DPP10: variants seen among roughly 807,000 people sequenced by gnomAD.
DPP10 encodes dipeptidyl peptidase like 10, also known as inactive dipeptidyl peptidase 10.
Under a neutral mutation model 120.9 loss-of-function variants are expected in DPP10, and 33 were observed. The ratio of observed to expected loss-of-function variants is 0.27; its 90% CI spans 0.21 to 0.37. DPP10 has a LOEUF of 0.37. DPP10 is among the 10% of genes least tolerant of loss of function. The probability of loss-of-function intolerance (pLI) is 1.00; values close to 1 mark genes in which losing one functional copy is unlikely to be tolerated. For synonymous variants in DPP10, 337 were observed against 326.1 expected (o/e 1.03, Z -0.36); for missense variants, 816 against 942.8 (o/e 0.87, Z 1.76).
chr2:114,849,107 G>A (rs1688759107), intron 1 of DPP10, among the ~76,000 whole-genome samples: 1 of 152,056 alleles, frequency 6.6e-6, no homozygotes, highest in Non-Finnish European at 1.5e-5. Context: ...ACTTCTTAGT[G>A]CCCATATTTA....
At position 115,680,288 on chromosome 2, in the gene DPP10, T is replaced by G. The variant is rs534302602; in HGVS notation, c.442-9399T>G. On this transcript the variant is annotated intron_variant, in intron 5 of 25. Coordinates refer to ENST00000410059, the MANE Select transcript of DPP10 (RefSeq NM_020868.6). Reference sequence around the variant, plus strand: ...AATAAGAATAAGATGTTTTAAGTAGTCAATATTTAGAGTGTGTATATGTAA... The same window carrying G: ...AATAAGAATAAGATGTTTTAAGTAGGCAATATTTAGAGTGTGTATATGTAA... Among the ~76,000 whole-genome samples, 78 of 152,126 alleles carry G rather than the reference T, an allele frequency of 5.1e-4. 1 individual carries two copies. The highest frequency in any genetic ancestry group is 3.4e-3 in the Middle Eastern group (1 of 290).
rs1054122731 is a variant in DPP10, at chr2:114,531,369, TTGA to T, written c.60+88545_60+88547del. Among the ~76,000 whole-genome samples, 3 of 151,950 alleles carry T rather than the reference TTGA, an allele frequency of 2.0e-5. 1 individual carries two copies. The highest frequency in any genetic ancestry group is 1.3e-4 in the Admixed American group (2 of 15,248). On this transcript the variant is annotated intron_variant, in intron 1 of 25. Transcript: ENST00000410059. Reference sequence around the variant, plus strand: ...GCTTATGTCACGTGTGAATCCTTTCTTGATGATGATGATGATAGAGAAGTATTT... The same window carrying T: ...GCTTATGTCACGTGTGAATCCTTTCTTGATGATGATGATAGAGAAGTATTT...
At chr2:115,316,936 C>T (rs2061823464) in intron 2 of DPP10, among the ~76,000 whole-genome samples, 1 of 152,130 alleles carries the variant, frequency 6.6e-6, no homozygotes, top group Admixed American at 6.5e-5. Flanking sequence ...AGTGAGACCC[C>T]ATCGCAACTA....
At chr2:114,840,567 A>G (rs1196002870) in intron 1 of DPP10, among the ~76,000 whole-genome samples, 2 of 152,208 alleles carry the variant, frequency 1.3e-5, no homozygotes, top group African/African-American at 4.8e-5. Flanking sequence ...CATTTAAAAT[A>G]GGAAAACAAT....
intron 3 of DPP10, among the ~76,000 whole-genome samples, chr2:115,441,727 GTTAT>G (rs1326671203): frequency 1.3e-5 from 2 of 151,168 alleles, no homozygotes; most frequent in South Asian, 2.1e-4. Context: ...GACAGACCTA[GTTAT>G]TTGATTCATC....
At chr2:115,056,573 T>C (rs988765355) in intron 1 of DPP10, among the ~76,000 whole-genome samples, 2 of 152,172 alleles carry the variant, frequency 1.3e-5, no homozygotes, top group Non-Finnish European at 2.9e-5. Context: ...TGTCCAGGTC[T>C]GTCTTGAACT....
At chr2:115,476,032 C>T (rs1008522792) in intron 3 of DPP10, among the ~76,000 whole-genome samples, 23 of 151,956 alleles carry the variant, frequency 1.5e-4, no homozygotes, top group African/African-American at 4.4e-4. Context: ...AGTTAAGACT[C>T]GGGGGGACTC....
intron 5 of DPP10, among the ~76,000 whole-genome samples, chr2:115,657,386 T>C (rs1267620612): frequency 6.6e-6 from 1 of 151,804 alleles, no homozygotes; most frequent in Non-Finnish European, 1.5e-5. Context: ...TATGCGACTC[T>C]GCAATCGACA....
At chr2:114,680,441 T>C (rs1698954206) in intron 1 of DPP10, among the ~76,000 whole-genome samples, 1 of 152,026 alleles carries the variant, frequency 6.6e-6, no homozygotes, top group African/African-American at 2.4e-5. Flanking sequence ...CACTCTGGTT[T>C]CACATTGTTC....
intron 1 of DPP10, among the ~76,000 whole-genome samples, chr2:115,095,574 G>GTTTTT (rs924847937): frequency 8.0e-5 from 11 of 137,714 alleles, no homozygotes; most frequent in African/African-American, 7.7e-5. Context: ...ATTCTGTTTG[G>GTTTTT]TTTTTTTTTT....
chr2:115,432,659 T>TGTGTG (rs2071104148), intron 3 of DPP10, among the ~76,000 whole-genome samples: 2 of 137,672 alleles, frequency 1.5e-5, no homozygotes, highest in African/African-American at 2.7e-5. Context: ...ATAGGCAATT[T>TGTGTG]TGTGTGTGTG....
rs1685895445 is a variant in DPP10, at chr2:114,530,666, G to C, written c.60+87828G>C. On this transcript the variant is annotated intron_variant, in intron 1 of 25. Transcript: ENST00000410059. ...AGGGTTCCTTCCAAGTTGCTCTGCT[G>C]ACCTGAGCTCATTACTTTTATATAA... Among the ~76,000 whole-genome samples, 3 of 152,090 alleles carry C rather than the reference G, an allele frequency of 2.0e-5. No homozygotes were observed. The South Asian group carries it at 6.2e-4, about 32-fold the overall frequency.
At chr2:115,028,531 C>A (rs1300701239) in intron 1 of DPP10, among the ~76,000 whole-genome samples, 1 of 151,972 alleles carries the variant, frequency 6.6e-6, no homozygotes, top group Non-Finnish European at 1.5e-5. Context: ...GGAGAATGTT[C>A]CATGTACTTA....
chr2:114,598,130 G>A (rs17715426), intron 1 of DPP10, among the ~76,000 whole-genome samples: 11,597 of 151,882 alleles, frequency 0.076, 597 homozygotes, highest in Admixed American at 0.11. Flanking sequence ...GAAAAGGGTG[G>A]CAGGAAAGCA....
At chr2:114,603,056 G>A (rs1692498716) in intron 1 of DPP10, among the ~76,000 whole-genome samples, 1 of 151,990 alleles carries the variant, frequency 6.6e-6, no homozygotes, top group South Asian at 2.1e-4. Flanking sequence ...TGTCTGTCTT[G>A]CCATCCCCAG....
intron 1 of DPP10, among the ~76,000 whole-genome samples, chr2:114,831,934 T>C (rs1687171276): frequency 1.3e-5 from 2 of 149,994 alleles, no homozygotes; most frequent in African/African-American, 4.9e-5. Context: ...TGTCCAAACC[T>C]CTCTTCTCTC....
chr2:114,805,944 G>C (rs1427949770), intron 1 of DPP10, among the ~76,000 whole-genome samples: 1 of 152,116 alleles, frequency 6.6e-6, no homozygotes, highest in Non-Finnish European at 1.5e-5. Flanking sequence ...GGAGACTTTT[G>C]GTGGACACAA....
intron 1 of DPP10, among the ~76,000 whole-genome samples, chr2:114,930,491 C>T (rs1334665629): frequency 2.6e-5 from 4 of 152,176 alleles, no homozygotes; most frequent in African/African-American, 9.7e-5. Context: ...CAGGAAAGTT[C>T]TTTGCTAAGG....
chr2:114,640,713 C>T (rs938308541), intron 1 of DPP10, among the ~76,000 whole-genome samples: 10 of 151,938 alleles, frequency 6.6e-5, no homozygotes, highest in South Asian at 4.1e-4. Context: ...CAGTCAACCA[C>T]GCAAAGAAGG....
Sources: allele counts gnomAD v4.1 joint callset (sites outside exome capture counted in the v4.1 genomes callset), GRCh38; gene constraint gnomAD v4.1.1; transcripts MANE v1.5; gene names NCBI Gene and HGNC (gene_info 2026-07-23, HGNC 2026-07-21).